The following SUPT5H variants were observed in gnomAD, a reference collection of about 807,000 sequenced individuals.
SUPT5H encodes SPT5 homolog, DSIF elongation factor subunit.
In SUPT5H, 24 loss-of-function variants were observed where a neutral mutation model predicts 142.5. The observed-to-expected ratio is 0.17, with a 90% CI of 0.12 to 0.24. The LOEUF (loss-of-function observed/expected upper bound fraction) is 0.24. Among genes scored for constraint, SUPT5H ranks in the 10% least tolerant of loss-of-function variants. The pLI is 1.00. For missense variants in SUPT5H, 893 were observed against 1,471.8 expected (o/e 0.61, Z 6.43); for synonymous variants, 546 against 553.0 (o/e 0.99, Z 0.18).
At chr19:39,446,144 GCCAGAAATGGGT>G (rs1299013709) in intron 2 of SUPT5H, among the ~76,000 whole-genome samples, 179 bp downstream of exon 2, 2 of 152,162 alleles carry the variant, frequency 1.3e-5, no homozygotes, top group Non-Finnish European at 2.9e-5. Context: ...GGTTCTGGAG[GCCAGAAATGGGT>G]CAGGTCCAGT....
Position 39,458,461 on chromosome 19 carries a change from G to A in SUPT5H, c.319+156G>A. ...TAGGATCCAGAGTCAGGGAGTTCTG[G>A]GGCCAGGTATACCCCAGTTGTTGAC... On this transcript the variant is annotated intron_variant, in intron 5 of 29. Coordinates refer to ENST00000432763, the MANE Select transcript of SUPT5H (RefSeq NM_001111020.3). This position sits in a 1 kb window ranked among gnomAD's most constrained non-coding sequence, Gnocchi z 4.2. 2 of 1,359,954 alleles carry A rather than the reference G, an allele frequency of 1.5e-6. No homozygotes were observed. The highest frequency in any genetic ancestry group is 2.0e-6 in the Non-Finnish European group (2 of 995,488). The allele number at this position is 1,359,954 out of a possible 1,614,324, so 84.2% of individuals were successfully genotyped here. A position where few individuals can be genotyped will look rare whatever the true frequency, so the allele number is the denominator to read the frequency against.
rs147171840 is a variant in SUPT5H at position 39,466,716 on chromosome 19, A to C, written c.1008A>C (p.Pro336=). The C allele has an allele frequency of 3.1e-6, 5 of 1,614,048 alleles. No individual in the cohort carries two copies. The African/African-American group carries it at 6.7e-5, about 22-fold the overall frequency. ...FAKRKKFKRP[P]QRLFDAEKIR... ...AAAGGAAGAAGTTTAAGCGGCCTCC[A>C]CAGAGGCTGTTTGATGCTGAGAAGA... The change falls in exon 13 of 30, where the codon CCA becomes CCC. Residue 336 remains proline, a synonymous_variant. Transcript: ENST00000432763. This position sits in a 1 kb window ranked among gnomAD's most constrained non-coding sequence, Gnocchi z 4.3.
chr19:39,475,967 C>A, intron 28 of SUPT5H, 114 bp from the exon 29 acceptor site: 1 of 989,120 alleles, frequency 1.0e-6, no homozygotes, highest in Non-Finnish European at 1.5e-6. Context: ...CCTTTCCTGC[C>A]CCCATTTCAC....
At chr19:39,460,091 G>A in intron 10 of SUPT5H, 131 bp downstream of exon 10, 1 of 856,096 alleles carries the variant, frequency 1.2e-6, no homozygotes, top group Non-Finnish European at 1.9e-6. Context: ...TGCTTGAGCT[G>A]GAATAAGACC....
Position 39,470,098 on chromosome 19 carries a change from T to A in SUPT5H, c.1375-21T>A, listed in dbSNP as rs763528115. 1.2e-6 allele frequency: 2 copies of A among 1,607,262 alleles called. No homozygotes were observed. The highest frequency in any genetic ancestry group is 1.7e-6 in the Non-Finnish European group (2 of 1,175,494). ...GTGGTCTCCCTTCACCTGTTTGTTG[T>A]CCCCACACCCAATCCCCCAGGACAT... On this transcript the variant is annotated intron_variant, in intron 16 of 29. Transcript: ENST00000432763. The surrounding 1 kb of genome is among the most constrained non-coding windows in gnomAD (Gnocchi z 5.8).
At position 39,476,248 on chromosome 19, in the gene SUPT5H, AC is replaced by A. The variant is rs1330375511; in HGVS notation, c.3121-3del. On this transcript the variant is annotated splice_region_variant and splice_polypyrimidine_tract_variant and intron_variant, in intron 29 of 29. Transcript: ENST00000432763. ...CATGGACCCTGACCATATTCCCCCCACCCCCAGGTGAAAGTGATCCTGGGCG... is the reference window on the plus strand; with the variant it reads ...CATGGACCCTGACCATATTCCCCCCACCCCAGGTGAAAGTGATCCTGGGCG... 2 of 1,613,248 alleles carry A rather than the reference AC, an allele frequency of 1.2e-6. No individual in the cohort carries two copies. The highest frequency in any genetic ancestry group is 1.7e-6 in the Non-Finnish European group (2 of 1,179,832).
Position 39,458,660 on chromosome 19 carries a change from G to A in SUPT5H, c.320-158G>A. The stretch of plus-strand genomic sequence containing the variant: ...TTGACAAGAAGCAGGATGCTGAGTA[G>A]GACAGAGTAGGGGATGAGGGGTTGG... On this transcript the variant is annotated intron_variant, in intron 5 of 29. Transcript: ENST00000432763. The surrounding 1 kb of genome is among the most constrained non-coding windows in gnomAD (Gnocchi z 4.2). 1.3e-6 allele frequency: 1 copy of A among 757,818 alleles called. No homozygotes were observed. The highest frequency in any genetic ancestry group is 2.1e-6 in the Non-Finnish European group (1 of 470,986). 46.9% of individuals were successfully genotyped at this position (757,818 alleles called of 1,614,324 possible). A position where few individuals can be genotyped will look rare whatever the true frequency, so the allele number is the denominator to read the frequency against.
At chr19:39,450,966 A>T (rs1376265202) in intron 2 of SUPT5H, among the ~76,000 whole-genome samples, 1 of 152,170 alleles carries the variant, frequency 6.6e-6, no homozygotes, top group Admixed American at 6.5e-5. Context: ...AACCTTCAAA[A>T]AGTTTTAAAT....
chr19:39,473,811 C>G lies in SUPT5H; in HGVS notation c.2493-152C>G, dbSNP rs1378926984. ...TCATCTCTGTCAACCACAGTGTCAG[C>G]TGTGGAAGGGAAATAACATCAGGAG... On this transcript the variant is annotated intron_variant, in intron 25 of 29. Transcript: ENST00000432763. The surrounding 1 kb of genome is among the most constrained non-coding windows in gnomAD (Gnocchi z 5.8). 2 of 1,128,288 alleles carry G rather than the reference C, an allele frequency of 1.8e-6. No individual in the cohort carries two copies. Among genetic ancestry groups the G allele is most frequent in the Non-Finnish European group, 2.6e-6 (2 of 768,120 alleles). 69.9% of individuals were successfully genotyped at this position (1,128,288 alleles called of 1,614,324 possible).
intron 2 of SUPT5H, among the ~76,000 whole-genome samples, chr19:39,449,193 A>C (rs1367834538): frequency 6.6e-6 from 1 of 152,008 alleles, no homozygotes; most frequent in Non-Finnish European, 1.5e-5. Flanking sequence ...TTTTATAGAT[A>C]CACAGTTACT....
At chr19:39,461,561 G>A (rs1025141257) in intron 10 of SUPT5H, among the ~76,000 whole-genome samples, 11 of 152,054 alleles carry the variant, frequency 7.2e-5, no homozygotes, top group Non-Finnish European at 8.8e-5. Context: ...GGTGGCTCAC[G>A]CCTGTAATCC....
chr19:39,465,341 A>G (rs1286324564), intron 11 of SUPT5H, among the ~76,000 whole-genome samples: 5 of 152,210 alleles, frequency 3.3e-5, no homozygotes. Context: ...TGGCACAGTC[A>G]CTGGCTACAG....
intron 18 of SUPT5H, 126 bp from the exon 19 acceptor site, chr19:39,471,231 T>G: frequency 2.6e-6 from 3 of 1,171,310 alleles, no homozygotes; most frequent in Non-Finnish European, 3.6e-6. Flanking sequence ...AGCCAGGGAA[T>G]TGAGATGCCT....
Position 39,472,875 on chromosome 19 carries a change from A to C in SUPT5H, c.2101A>C (p.Arg701=). 1.2e-6 allele frequency: 2 copies of C among 1,613,790 alleles called. No individual in the cohort carries two copies. The highest frequency in any genetic ancestry group is 2.7e-5 in the African/African-American group (2 of 74,996). ...SGGMSRGRGR[R]DNELIGQTVR... Reference sequence around the variant, plus strand: ...TGGCATGAGCAGGGGCCGGGGCCGGAGGGACAACGAACTCATCGGCCAGAC... The same window carrying C: ...TGGCATGAGCAGGGGCCGGGGCCGGCGGGACAACGAACTCATCGGCCAGAC... Residue 701 remains arginine (R), a synonymous_variant, in exon 22 of 30, where the codon AGG becomes CGG. Coordinates refer to ENST00000432763, the MANE Select transcript of SUPT5H (RefSeq NM_001111020.3). This position sits in a 1 kb window ranked among gnomAD's most constrained non-coding sequence, Gnocchi z 4.2.
chr19:39,449,148 C>G (rs1440880871), intron 2 of SUPT5H, among the ~76,000 whole-genome samples: 1 of 151,880 alleles, frequency 6.6e-6, no homozygotes, highest in Non-Finnish European at 1.5e-5. Context: ...GTCACAGTCT[C>G]CCTTACAGAG....
rs1016213517 is a variant in SUPT5H, at chr19:39,458,680, G to A, written c.320-138G>A. On this transcript the variant is annotated intron_variant, in intron 5 of 29. Transcript: ENST00000432763. This position sits in a 1 kb window ranked among gnomAD's most constrained non-coding sequence, Gnocchi z 4.2. ...GAGTAGGACAGAGTAGGGGATGAGG[G>A]GTTGGGATTTCCTCTGTGAGATGTC... 2.8e-5 allele frequency: 23 copies of A among 812,410 alleles called. No homozygotes were observed. In the South Asian group the frequency reaches 4.2e-4, roughly 15 times the overall value. 50.3% of individuals were successfully genotyped at this position (812,410 alleles called of 1,614,324 possible). A position where few individuals can be genotyped will look rare whatever the true frequency, so the allele number is the denominator to read the frequency against.
chr19:39,473,638 T>C lies in SUPT5H; in HGVS notation c.2492+117T>C. 1 of 1,218,530 alleles carries C rather than the reference T, an allele frequency of 8.2e-7. No individual in the cohort carries two copies. 75.5% of individuals were successfully genotyped at this position (1,218,530 alleles called of 1,614,324 possible). ...CACCCAGCATTCTCTGCTCCTAGCC[T>C]CAGGCTGGTCCCTTTGAAGGAGGAG... On this transcript the variant is annotated intron_variant, in intron 25 of 29. Coordinates refer to ENST00000432763, the MANE Select transcript of SUPT5H (RefSeq NM_001111020.3). This position sits in a 1 kb window ranked among gnomAD's most constrained non-coding sequence, Gnocchi z 5.8.
chr19:39,469,233 C>G lies in SUPT5H; in HGVS notation c.1238-29C>G. 1.2e-6 allele frequency: 2 copies of G among 1,614,186 alleles called. No individual in the cohort carries two copies. The highest frequency in any genetic ancestry group is 1.7e-6 in the Non-Finnish European group (2 of 1,180,010). ...CAGGGGCGGCCCATGGTGGCAACCC[C>G]CGAGTCAGCCCTACGACTGCCCCTG... On this transcript the variant is annotated intron_variant, in intron 15 of 29. Transcript: ENST00000432763. This position sits in a 1 kb window ranked among gnomAD's most constrained non-coding sequence, Gnocchi z 5.1.
chr19:39,449,746 TCTC>T (rs2078997510), intron 2 of SUPT5H, among the ~76,000 whole-genome samples: 1 of 151,330 alleles, frequency 6.6e-6, no homozygotes, highest in Non-Finnish European at 1.5e-5. Context: ...GTCAAGCAGT[TCTC>T]CTCTCTCAGC....
Sources: allele counts gnomAD v4.1 joint callset (sites outside exome capture counted in the v4.1 genomes callset), GRCh38; gene constraint gnomAD v4.1.1; non-coding constraint Gnocchi (gnomAD v3.1); transcripts MANE v1.5; gene names NCBI Gene and HGNC (gene_info 2026-07-23, HGNC 2026-07-21).